The following TRPM3 variants were observed in gnomAD, a reference collection of about 807,000 sequenced individuals.
The protein encoded by TRPM3 is long transient receptor potential channel 3.
TRPM3 carries 77 observed loss-of-function variants against 181.2 expected under a neutral mutation model. The observed-to-expected ratio is 0.42, with a 90% confidence interval of 0.35 to 0.51. TRPM3 has a LOEUF of 0.51. Ranked by LOEUF, TRPM3 falls within the 20% of genes least tolerant of loss-of-function variation. TRPM3 has a pLI of 0.01. For synonymous variants in TRPM3, 745 were observed against 796.4 expected (o/e 0.94, Z 1.09); for missense variants, 1,759 against 2,196.7 (o/e 0.80, Z 3.98).
At chr9:70,883,064 G>A (rs889507734) in intron 1 of TRPM3, among the ~76,000 whole-genome samples, 5 of 152,108 alleles carry the variant, frequency 3.3e-5, no homozygotes, top group Non-Finnish European at 7.4e-5. Flanking sequence ...ATATATGTAA[G>A]AGTACAAAAT....
intron 8 of TRPM3, among the ~76,000 whole-genome samples, chr9:70,683,445 T>C (rs2065985013): frequency 7.4e-6 from 1 of 134,986 alleles, no homozygotes; most frequent in African/African-American, 2.7e-5. Context: ...TTTTTTTTTT[T>C]TTTTTTTTTT....
chr9:70,953,763 C>T (rs1368181215), intron 1 of TRPM3, among the ~76,000 whole-genome samples: 3 of 152,104 alleles, frequency 2.0e-5, no homozygotes, highest in Non-Finnish European at 2.9e-5. Context: ...GTGGAAAACT[C>T]ATGTTACCTA....
intron 1 of TRPM3, among the ~76,000 whole-genome samples, chr9:71,268,779 G>C (rs1350815538): frequency 1.3e-5 from 2 of 152,062 alleles, no homozygotes; most frequent in Non-Finnish European, 2.9e-5. Context: ...CCAAGAGTGT[G>C]CCACTGCACT....
At chr9:70,820,534 T>C (rs1406879272) in intron 6 of TRPM3, among the ~76,000 whole-genome samples, 2 of 152,152 alleles carry the variant, frequency 1.3e-5, no homozygotes, top group Non-Finnish European at 2.9e-5. Context: ...GAGCCTGTTA[T>C]AAGACATTCT....
chr9:70,686,982 G>C (rs921428872), intron 8 of TRPM3, among the ~76,000 whole-genome samples: 15 of 151,570 alleles, frequency 9.9e-5, no homozygotes, highest in African/African-American at 2.4e-4. Context: ...CACCATGCCC[G>C]GCTAATTTTT....
chr9:71,345,522 T>A lies in TRPM3; in HGVS notation c.183+101131A>T, dbSNP rs540164212. 2.0e-5 allele frequency among the ~76,000 whole-genome samples: 3 copies of A among 151,408 alleles called. No homozygotes were observed. The East Asian group carries it at 5.9e-4, about 30-fold the overall frequency. Reference sequence around the variant, plus strand: ...ACCAAACACCGCATATTCTCACTCATAAGTGGGAGTTGAACATGAGAATAC... The same window carrying A: ...ACCAAACACCGCATATTCTCACTCAAAAGTGGGAGTTGAACATGAGAATAC... On this transcript the variant is annotated intron_variant, in intron 1 of 24. Coordinates refer to the TRPM3 transcript ENST00000357533.
intron 16 of TRPM3, among the ~76,000 whole-genome samples, chr9:70,619,780 C>T (rs1256882922): frequency 1.3e-5 from 2 of 152,122 alleles, no homozygotes; most frequent in African/African-American, 4.8e-5. Flanking sequence ...AATGTGTGAT[C>T]TTGGACAGGT....
At chr9:70,692,982 G>A (rs1405507943) in intron 8 of TRPM3, among the ~76,000 whole-genome samples, 2 of 152,204 alleles carry the variant, frequency 1.3e-5, no homozygotes, top group African/African-American at 4.8e-5. Flanking sequence ...CCTTGAGAGA[G>A]CAGTCTTTGA....
At chr9:71,289,193 C>T (rs73649708) in intron 1 of TRPM3, among the ~76,000 whole-genome samples, 8,831 of 151,736 alleles carry the variant, frequency 0.058, 841 homozygotes, top group African/African-American at 0.2. Context: ...CAGCAGAAAA[C>T]GCTAACTGCA....
At position 70,864,322 on chromosome 9, in the gene TRPM3, A is replaced by G. The variant is rs990260417; in HGVS notation, c.257+110T>C. Reference sequence around the variant, plus strand: ...CTCAAAGATGTCCAGAAACAATATAAAAGATATTTAATTTGACAGTGTTTC... The same window carrying G: ...CTCAAAGATGTCCAGAAACAATATAGAAGATATTTAATTTGACAGTGTTTC... On this transcript the variant is annotated intron_variant, in intron 2 of 25. Transcript: ENST00000677713. 37 of 701,896 alleles carry G rather than the reference A, an allele frequency of 5.3e-5. 1 individual carries two copies. Among genetic ancestry groups the G allele is most frequent in the Admixed American group, 3.0e-5 (1 of 32,990 alleles). The allele number at this position is 701,896 out of a possible 1,614,324, so 43.5% of individuals were successfully genotyped here. A position where few individuals can be genotyped will look rare whatever the true frequency, so the allele number is the denominator to read the frequency against.
At chr9:70,943,864 C>A (rs1317930433) in intron 1 of TRPM3, among the ~76,000 whole-genome samples, 3 of 152,126 alleles carry the variant, frequency 2.0e-5, no homozygotes, top group Non-Finnish European at 4.4e-5. Context: ...ACTGCAATCT[C>A]CGTCTCCCAG....
In TRPM3 at chr9:70,549,259, T is replaced by G. The variant is rs925582631; in HGVS notation, c.3707+283A>C. Among the ~76,000 whole-genome samples, 15 of 152,322 alleles carry G rather than the reference T, an allele frequency of 9.8e-5. No homozygotes were observed. In the Middle Eastern group the frequency reaches 0.014, roughly 138 times the overall value. On this transcript the variant is annotated intron_variant, in intron 25 of 25. Transcript: ENST00000677713. ...GCCTGGAACAGAACTTCCCAATTTC[T>G]GATCTGAGCCAGCAACCTCAGGCCT...
At chr9:71,420,328 C>A (rs560479359) in intron 1 of TRPM3, among the ~76,000 whole-genome samples, 1 of 151,878 alleles carries the variant, frequency 6.6e-6, no homozygotes, top group African/African-American at 2.4e-5. Flanking sequence ...TTAACCATGA[C>A]GGATTTGTCT....
At chr9:70,955,190 A>G (rs1442788708) in intron 1 of TRPM3, among the ~76,000 whole-genome samples, 1 of 152,132 alleles carries the variant, frequency 6.6e-6, no homozygotes, top group East Asian at 1.9e-4. Context: ...ACGAAAAAAA[A>G]GTGGCAATCA....
intron 1 of TRPM3, among the ~76,000 whole-genome samples, chr9:71,055,186 C>A (rs1376710901): frequency 6.6e-6 from 1 of 151,920 alleles, no homozygotes; most frequent in African/African-American, 2.4e-5. Flanking sequence ...GGACAGGGTA[C>A]ATTTTAAGAA....
chr9:70,752,538 G>A lies in TRPM3; in HGVS notation c.1272+9063C>T, dbSNP rs542072756. ...GGCAAAAAGCACAAAACATAAAAAAGGCTGATACATTTAGCTGCAGTCATA... is the reference window on the plus strand; with the variant it reads ...GGCAAAAAGCACAAAACATAAAAAAAGCTGATACATTTAGCTGCAGTCATA... On this transcript the variant is annotated intron_variant, in intron 8 of 25. Coordinates refer to ENST00000677713, the MANE Select transcript of TRPM3 (RefSeq NM_001366145.2). Among the ~76,000 whole-genome samples, 3 of 152,286 alleles carry A rather than the reference G, an allele frequency of 2.0e-5. No individual in the cohort carries two copies. The East Asian group carries it at 5.8e-4, about 29-fold the overall frequency.
At chr9:71,338,955 A>G (rs1278966798) in intron 1 of TRPM3, among the ~76,000 whole-genome samples, 1 of 152,186 alleles carries the variant, frequency 6.6e-6, no homozygotes, top group Non-Finnish European at 1.5e-5. Context: ...TTTGTAGATA[A>G]CATGATAGTA....
chr9:71,353,942 C>G (rs2091781283), intron 1 of TRPM3, among the ~76,000 whole-genome samples: 1 of 152,188 alleles, frequency 6.6e-6, no homozygotes. Flanking sequence ...TGGTTGGTGA[C>G]AAAGCTTGGC....
At chr9:70,879,717 T>C (rs535022481) in intron 1 of TRPM3, among the ~76,000 whole-genome samples, 1 of 152,282 alleles carries the variant, frequency 6.6e-6, no homozygotes, top group South Asian at 2.1e-4. Flanking sequence ...TGGAACATTC[T>C]TTCAGATGTG....
Sources: gnomAD v4.1 joint callset for allele counts (sites outside exome capture counted in the v4.1 genomes callset) on GRCh38, gnomAD v4.1.1 for gene constraint, MANE v1.5 for transcripts, NCBI Gene and HGNC (gene_info 2026-07-23, HGNC 2026-07-21) for gene names.